Variants in CDH13 observed in about 807,000 individuals in gnomAD.
CDH13 encodes cadherin-13.
A neutral mutation model predicts 63.8 loss-of-function variants in CDH13; 24 were observed. That is an observed-to-expected ratio of 0.38 (90% CI 0.27 to 0.53). The LOEUF is 0.53. Ranked by LOEUF, CDH13 falls within the 20% of genes least tolerant of loss-of-function variation. The pLI is 0.85. For synonymous variants in CDH13, 503 were observed against 355.3 expected (o/e 1.42, Z -4.67); for missense variants, 1,049 against 903.1 (o/e 1.16, Z -2.07).
chr16:82,763,201 C>T (rs1480259971), intron 1 of CDH13, among the ~76,000 whole-genome samples: 3 of 152,142 alleles, frequency 2.0e-5, no homozygotes, highest in Admixed American at 6.5e-5. Flanking sequence ...CAATTAGAAT[C>T]TTTACTTAAA....
chr16:83,046,125 CT>C lies in CDH13; in HGVS notation c.366+13914del, dbSNP rs551945218. On this transcript the variant is annotated intron_variant, in intron 3 of 13. Coordinates refer to ENST00000567109, the MANE Select transcript of CDH13 (RefSeq NM_001257.5). Reference sequence around the variant, plus strand: ...CTAATCTCATCATAGTTGATGTTGTCTTTTTTTGATGGCTTCTAATAAATAA... The same window carrying C: ...CTAATCTCATCATAGTTGATGTTGTCTTTTTTGATGGCTTCTAATAAATAA... 1.5e-3 allele frequency among the ~76,000 whole-genome samples: 224 copies of C among 152,246 alleles called. 1 individual carries two copies. The highest frequency in any genetic ancestry group is 5.0e-3 in the African/African-American group (209 of 41,540).
intron 2 of CDH13, among the ~76,000 whole-genome samples, chr16:82,956,669 C>G (rs1362273288): frequency 2.6e-5 from 4 of 152,240 alleles, no homozygotes; most frequent in African/African-American, 9.6e-5. Flanking sequence ...TCTTTACCCA[C>G]TCCCTTAGCA....
At chr16:83,073,428 T>C (rs1160553314) in intron 3 of CDH13, among the ~76,000 whole-genome samples, 3 of 151,472 alleles carry the variant, frequency 2.0e-5, no homozygotes, top group Non-Finnish European at 4.4e-5. Context: ...AAACAGAATA[T>C]TGGAATCTTG....
At chr16:82,632,197 C>G (rs1185134683) in intron 1 of CDH13, among the ~76,000 whole-genome samples, 1 of 152,168 alleles carries the variant, frequency 6.6e-6, no homozygotes, top group Non-Finnish European at 1.5e-5. Flanking sequence ...TACTACCCAG[C>G]CTTCTGTGCT....
At chr16:83,271,891 A>G (rs1021451468) in intron 5 of CDH13, among the ~76,000 whole-genome samples, 1 of 152,230 alleles carries the variant, frequency 6.6e-6, no homozygotes, top group Non-Finnish European at 1.5e-5. Context: ...TAGCTGGATT[A>G]ATCTCTTCAA....
At chr16:83,378,142 G>A (rs182419018) in intron 6 of CDH13, among the ~76,000 whole-genome samples, 1 of 152,276 alleles carries the variant, frequency 6.6e-6, no homozygotes, top group Admixed American at 6.5e-5. Context: ...TCATCACTAC[G>A]ATTTATCCAG....
At chr16:82,818,549 G>A (rs1319461989) in intron 1 of CDH13, among the ~76,000 whole-genome samples, 4 of 152,160 alleles carry the variant, frequency 2.6e-5, no homozygotes, top group Admixed American at 2.0e-4. Context: ...TGAAGGATGG[G>A]TAGGAGTTTT....
intron 2 of CDH13, among the ~76,000 whole-genome samples, chr16:82,939,780 T>C (rs1213546022): frequency 6.6e-6 from 1 of 152,232 alleles, no homozygotes; most frequent in African/African-American, 2.4e-5. Context: ...ATTTCTCTAA[T>C]GCTGCTTATA....
At chr16:82,653,645 G>C (rs1910980458) in intron 1 of CDH13, among the ~76,000 whole-genome samples, 1 of 152,132 alleles carries the variant, frequency 6.6e-6, no homozygotes, top group African/African-American at 2.4e-5. Flanking sequence ...GGAGGGAGCA[G>C]CCAGGGAGGG....
chr16:83,108,498 A>G (rs2034894204), intron 3 of CDH13, among the ~76,000 whole-genome samples: 2 of 152,340 alleles, frequency 1.3e-5, no homozygotes, highest in Non-Finnish European at 2.9e-5. Context: ...ATTGAATCCC[A>G]GGTTACCACA....
At chr16:83,427,906 A>G (rs973196980) in intron 6 of CDH13, among the ~76,000 whole-genome samples, 13 of 152,346 alleles carry the variant, frequency 8.5e-5, no homozygotes, top group Admixed American at 7.8e-4. Context: ...ACCCAGGCAA[A>G]GGCAGAACTG....
intron 1 of CDH13, among the ~76,000 whole-genome samples, chr16:82,724,371 C>T (rs530478560): frequency 1.3e-5 from 2 of 152,210 alleles, no homozygotes; most frequent in Admixed American, 6.5e-5. Flanking sequence ...TTGCCAGGTG[C>T]CATGCTATTG....
At chr16:82,649,978 C>T (rs967355093) in intron 1 of CDH13, among the ~76,000 whole-genome samples, 1 of 152,128 alleles carries the variant, frequency 6.6e-6, no homozygotes, top group Admixed American at 6.5e-5. Context: ...TGTAGGGATC[C>T]TGTTGCCTTA....
intron 10 of CDH13, among the ~76,000 whole-genome samples, chr16:83,738,816 G>GT (rs1363820571): frequency 6.6e-6 from 1 of 152,194 alleles, no homozygotes; most frequent in East Asian, 1.9e-4. Flanking sequence ...TAAGGCAGGA[G>GT]AATCGCTTGA....
rs896805489 is a variant in CDH13, at chr16:82,674,146, G to A, written c.45+47009G>A. ...TGGATGGCAGACACTTGTAATGAGA[G>A]AGGAATTAGCAGAAAATCACACCTC... On this transcript the variant is annotated intron_variant, in intron 1 of 13. Coordinates refer to ENST00000567109, the MANE Select transcript of CDH13 (RefSeq NM_001257.5). Among the ~76,000 whole-genome samples the A allele has an allele frequency of 8.5e-5, 13 of 152,266 alleles. 1 individual carries two copies. Among genetic ancestry groups the A allele is most frequent in the African/African-American group, 3.1e-4 (13 of 41,556 alleles).
chr16:83,492,378 A>C (rs542326747), intron 7 of CDH13, among the ~76,000 whole-genome samples: 50 of 152,338 alleles, frequency 3.3e-4, no homozygotes, highest in African/African-American at 1.2e-3. Context: ...TCATGCTGTC[A>C]GGAATATTAT....
At chr16:83,049,920 G>A (rs969834036) in intron 3 of CDH13, among the ~76,000 whole-genome samples, 10 of 152,168 alleles carry the variant, frequency 6.6e-5, no homozygotes, top group African/African-American at 2.4e-4. Context: ...TACAATGATT[G>A]AGTGTGGGCA....
chr16:82,638,828 G>A (rs1909022521), intron 1 of CDH13, among the ~76,000 whole-genome samples: 2 of 152,230 alleles, frequency 1.3e-5, no homozygotes, highest in Non-Finnish European at 2.9e-5. Flanking sequence ...GTGTGTGCGT[G>A]TGTGCGTTTG....
intron 4 of CDH13, among the ~76,000 whole-genome samples, chr16:83,131,104 G>A (rs1342885165): frequency 6.6e-6 from 1 of 151,294 alleles, no homozygotes; most frequent in East Asian, 1.9e-4. Flanking sequence ...TAATACGAGG[G>A]AATCATATTA....
Sources: allele counts gnomAD v4.1 joint callset (sites outside exome capture counted in the v4.1 genomes callset), GRCh38; gene constraint gnomAD v4.1.1; transcripts MANE v1.5; gene names NCBI Gene and HGNC (gene_info 2026-07-23, HGNC 2026-07-21).